Variants in KATNAL2 observed in about 807,000 individuals in gnomAD.
The protein encoded by KATNAL2 is katanin p60 ATPase-containing subunit A-like 2.
Under a neutral mutation model 76.3 loss-of-function variants are expected in KATNAL2, and 52 were observed. The ratio of observed to expected loss-of-function variants is 0.68; its 90% CI spans 0.55 to 0.86. The LOEUF is 0.86. KATNAL2 is among the 40% of genes least tolerant of loss of function. KATNAL2 has a pLI of 0.00. For missense variants in KATNAL2, 660 were observed against 668.9 expected, an observed-to-expected ratio of 0.99 and a Z score of 0.15; for synonymous variants, 243 against 244.2, an observed-to-expected ratio of 1.00 and a Z score of 0.05.
intron 15 of KATNAL2, among the ~76,000 whole-genome samples, chr18:47,097,339 GA>G (rs1400387699): frequency 6.6e-6 from 1 of 152,078 alleles, no homozygotes; most frequent in African/African-American, 2.4e-5. Flanking sequence ...CTTTACAACG[GA>G]GAGTTCCATG....
intron 3 of KATNAL2, among the ~76,000 whole-genome samples, chr18:46,956,638 T>A (rs986857856): frequency 1.3e-5 from 2 of 152,346 alleles, no homozygotes; most frequent in Admixed American, 6.5e-5. Context: ...TGTAGGCTCC[T>A]TAAGAGCAAG....
intron 15 of KATNAL2, among the ~76,000 whole-genome samples, chr18:47,094,786 A>G (rs2063156163): frequency 1.3e-5 from 2 of 152,210 alleles, no homozygotes; most frequent in Non-Finnish European, 2.9e-5. Flanking sequence ...TCATTGCTTC[A>G]GTACAGTACA....
intron 3 of KATNAL2, chr18:47,033,393 C>T (rs1440890720): frequency 1.2e-6 from 2 of 1,614,082 alleles, no homozygotes; most frequent in African/African-American, 2.7e-5. Context: ...ATCGGATATT[C>T]GTTGTCATTA....
intron 15 of KATNAL2, among the ~76,000 whole-genome samples, chr18:47,096,762 T>C (rs1310347424): frequency 2.0e-5 from 3 of 152,202 alleles, no homozygotes; most frequent in African/African-American, 7.2e-5. Context: ...AGTAACCAAA[T>C]AGCCTCAGCT....
intron 3 of KATNAL2, among the ~76,000 whole-genome samples, chr18:46,953,931 C>A (rs748432827): frequency 6.6e-6 from 1 of 151,736 alleles, no homozygotes; most frequent in Non-Finnish European, 1.5e-5. Flanking sequence ...TGAGGCCTTC[C>A]ATTTCTATGC....
intron 3 of KATNAL2, among the ~76,000 whole-genome samples, chr18:46,952,893 T>C (rs1403559566): frequency 2.1e-5 from 1 of 46,528 alleles, no homozygotes; most frequent in Admixed American, 1.7e-4. Context: ...CTTCCTTCTT[T>C]TTTTTTTTTT....
chr18:47,033,810 G>C, intron 3 of KATNAL2: 1 of 1,614,208 alleles, frequency 6.2e-7, no homozygotes, highest in South Asian at 1.1e-5. Context: ...GCTTTGCCTG[G>C]GAGGTCATGG....
rs546233080 is a variant in KATNAL2 at position 46,922,251 on chromosome 18, C to T, written c.-510+4325C>T. Among the ~76,000 whole-genome samples, 242 of 151,966 alleles carry T rather than the reference C, an allele frequency of 1.6e-3. 1 individual carries two copies. The highest frequency in any genetic ancestry group is 6.8e-3 in the Middle Eastern group (2 of 294). ...AGTAGCTGGGACCACGGGCACACCA[C>T]CACTCTCAGCTAATTTTTGTATCTT... On this transcript the variant is annotated intron_variant, in intron 1 of 17. Coordinates refer to ENST00000683218, the MANE Select transcript of KATNAL2 (RefSeq NM_001387690.1).
intron 10 of KATNAL2, among the ~76,000 whole-genome samples, chr18:47,065,815 C>T (rs892520334): frequency 4.0e-5 from 6 of 150,800 alleles, no homozygotes; most frequent in African/African-American, 1.2e-4. Context: ...TCCGTGTCTA[C>T]AAAAAATGAA....
In KATNAL2 at chr18:47,100,955, A is replaced by C. The variant is rs1428230374; in HGVS notation, c.1567A>C (p.Asn523His). 2.1e-5 allele frequency: 34 copies of C among 1,614,160 alleles called. No individual in the cohort carries two copies. Among genetic ancestry groups the C allele is most frequent in the Non-Finnish European group, 2.8e-5 (33 of 1,180,018 alleles). The change falls in exon 18 of 18, where the codon AAT becomes CAT. Residue 523 changes from asparagine to histidine, a missense_variant. By Grantham distance (68) the Asn-to-His change is moderately conservative. Coordinates refer to ENST00000683218, the MANE Select transcript of KATNAL2 (RefSeq NM_001387690.1). ...AACTCACACCAAGCCCTCCGCAAAG[A>C]ATCTGGCTCAGAGATACTCAGACTG... Reference protein sequence around the residue: ...VLTHTKPSAKNLAQRYSDWQR... With the variant: ...VLTHTKPSAKHLAQRYSDWQR...
chr18:47,036,233 G>T (rs1447202065), intron 3 of KATNAL2, among the ~76,000 whole-genome samples: 1 of 152,166 alleles, frequency 6.6e-6, no homozygotes, highest in Non-Finnish European at 1.5e-5. Flanking sequence ...TGAAACTCTT[G>T]CCAAACTGCC....
chr18:47,060,163 ATTTT>A (rs1319788329), intron 8 of KATNAL2, among the ~76,000 whole-genome samples: 1 of 151,922 alleles, frequency 6.6e-6, no homozygotes, highest in Non-Finnish European at 1.5e-5. Context: ...CATCCAGCTA[ATTTT>A]TTTCATTTTT....
chr18:46,958,975 C>T (rs1341289263), intron 3 of KATNAL2, among the ~76,000 whole-genome samples: 3 of 152,112 alleles, frequency 2.0e-5, no homozygotes, highest in East Asian at 1.9e-4. Flanking sequence ...TACAAAATAT[C>T]GACTGTGTTA....
At chr18:47,061,189 G>T (rs1227842453) in intron 8 of KATNAL2, among the ~76,000 whole-genome samples, 1 of 152,210 alleles carries the variant, frequency 6.6e-6, no homozygotes, top group Non-Finnish European at 1.5e-5. Context: ...TGTCTGTTTT[G>T]CATTGCTATA....
At chr18:47,099,622 T>C (rs2063387535) in intron 16 of KATNAL2, among the ~76,000 whole-genome samples, 1 of 152,314 alleles carries the variant, frequency 6.6e-6, no homozygotes, top group East Asian at 1.9e-4. Context: ...GGAAACAGCA[T>C]AGGGTTTAGA....
chr18:47,093,521 T>C (rs190384935), intron 15 of KATNAL2, among the ~76,000 whole-genome samples: 232 of 151,894 alleles, frequency 1.5e-3, no homozygotes, highest in Non-Finnish European at 2.0e-3. Context: ...TTTATGTGCA[T>C]GTTTGTGTGT....
chr18:46,946,030 C>A, intron 1 of KATNAL2, 27 bp from the exon 2 acceptor site: 1 of 217,086 alleles, frequency 4.6e-6, no homozygotes, highest in Non-Finnish European at 7.9e-6. Context: ...CAGTTCAACA[C>A]TTACGAGAAC....
At chr18:46,953,840 A>G (rs2059641398) in intron 3 of KATNAL2, among the ~76,000 whole-genome samples, 1 of 152,166 alleles carries the variant, frequency 6.6e-6, no homozygotes, top group South Asian at 2.1e-4. Context: ...TCACAAAGAC[A>G]GTTTTTCTGT....
chr18:47,096,344 A>C (rs566257300), intron 15 of KATNAL2, among the ~76,000 whole-genome samples: 1 of 152,286 alleles, frequency 6.6e-6, no homozygotes, highest in East Asian at 1.9e-4. Flanking sequence ...TTTAAAAAAT[A>C]TTTAAAATTT....
Sources: gnomAD v4.1 joint callset for allele counts (sites outside exome capture counted in the v4.1 genomes callset) on GRCh38, gnomAD v4.1.1 for gene constraint, MANE v1.5 for transcripts, NCBI Gene and HGNC (gene_info 2026-07-23, HGNC 2026-07-21) for gene names.